PREX1: variants seen among roughly 807,000 people sequenced by gnomAD.
PREX1 encodes phosphatidylinositol-3,4,5-trisphosphate dependent Rac exchange factor 1, also known as phosphatidylinositol 3,4,5-trisphosphate-dependent Rac exchanger 1 protein.
A neutral mutation model predicts 198.3 loss-of-function variants in PREX1; 41 were observed. The observed-to-expected ratio is 0.21, with a 90% confidence interval of 0.16 to 0.27. The LOEUF (loss-of-function observed/expected upper bound fraction) is 0.27. PREX1 is among the 10% of genes least tolerant of loss of function. The pLI is 1.00. For missense variants in PREX1, 1,620 were observed against 2,200.7 expected (o/e 0.74, Z 5.28); for synonymous variants, 843 against 887.2 (o/e 0.95, Z 0.89).
At chr20:48,881,735 T>C in the PREX1 span, among the ~76,000 whole-genome samples, 2 of 152,330 alleles carry the variant, frequency 1.3e-5, no homozygotes, top group East Asian at 3.9e-4. Flanking sequence ...TCTGCCCACC[T>C]TGCCCTCCCA....
intron 25 of PREX1, among the ~76,000 whole-genome samples, chr20:48,648,928 T>G (rs1199673517): frequency 7.1e-6 from 1 of 141,166 alleles, no homozygotes; most frequent in Non-Finnish European, 1.6e-5. Context: ...GGACGGCTTG[T>G]ACAGCTGCCT....
the PREX1 span, among the ~76,000 whole-genome samples, chr20:48,867,909 A>G: frequency 1.7e-3 from 256 of 149,952 alleles, 2 homozygotes; most frequent in African/African-American, 6.1e-3. Flanking sequence ...GAGTCTCACC[A>G]TATTGCCCAG....
chr20:48,771,960 G>A (rs2090238049), intron 1 of PREX1, among the ~76,000 whole-genome samples: 1 of 152,206 alleles, frequency 6.6e-6, no homozygotes, highest in Non-Finnish European at 1.5e-5. Context: ...TTGAGAGGCT[G>A]AGGTGGGCGA....
chr20:48,764,465 C>T (rs1427469291), intron 1 of PREX1, among the ~76,000 whole-genome samples: 1 of 151,942 alleles, frequency 6.6e-6, no homozygotes, highest in Non-Finnish European at 1.5e-5. Flanking sequence ...GAGGTGGGCC[C>T]AACATAATCA....
the PREX1 span, among the ~76,000 whole-genome samples, chr20:48,866,264 G>C: frequency 3.3e-5 from 5 of 152,138 alleles, no homozygotes; most frequent in African/African-American, 1.2e-4. Context: ...ATTTAAAATA[G>C]GGTAGCAGGT....
chr20:48,834,088 C>CAAAA, the PREX1 span, among the ~76,000 whole-genome samples: 1 of 129,340 alleles, frequency 7.7e-6, no homozygotes, highest in Non-Finnish European at 1.7e-5. Context: ...GACTCAGTCT[C>CAAAA]AAAAAAAAAA....
chr20:48,789,497 C>T (rs1017540956), intron 1 of PREX1, among the ~76,000 whole-genome samples: 3 of 152,200 alleles, frequency 2.0e-5, no homozygotes, highest in Non-Finnish European at 2.9e-5. Flanking sequence ...TCATTAGTCT[C>T]CCCGTGCTAT....
At chr20:48,679,315 G>A in intron 13 of PREX1, 45 bp downstream of exon 13, 3 of 1,563,762 alleles carry the variant, frequency 1.9e-6, no homozygotes, top group Non-Finnish European at 2.6e-6. Flanking sequence ...CCACACAGCT[G>A]AGAAGAGGTA....
At chr20:48,808,333 A>G (rs2090421079) in intron 1 of PREX1, among the ~76,000 whole-genome samples, 1 of 152,178 alleles carries the variant, frequency 6.6e-6, no homozygotes, top group Non-Finnish European at 1.5e-5. Flanking sequence ...TCATCCCCAC[A>G]GCCCCATCAG....
chr20:48,740,978 A>T (rs1008744367), intron 3 of PREX1, among the ~76,000 whole-genome samples: 1 of 152,164 alleles, frequency 6.6e-6, no homozygotes, highest in Non-Finnish European at 1.5e-5. Flanking sequence ...TTCTCTTTTT[A>T]AATAAGTTCA....
At chr20:48,760,413 GC>G (rs1357327704) in intron 1 of PREX1, among the ~76,000 whole-genome samples, 2 of 152,002 alleles carry the variant, frequency 1.3e-5, no homozygotes, top group African/African-American at 2.4e-5. Context: ...AAACTGCAGA[GC>G]CCCCCACATC....
intron 15 of PREX1, among the ~76,000 whole-genome samples, chr20:48,661,659 C>A (rs985263003): frequency 2.0e-5 from 3 of 150,638 alleles, no homozygotes; most frequent in African/African-American, 7.4e-5. Flanking sequence ...TAACTTACAA[C>A]TTAACTGGGC....
At chr20:48,637,828 T>G in intron 30 of PREX1, 76 bp from the exon 31 acceptor site, 4 of 1,335,996 alleles carry the variant, frequency 3.0e-6, no homozygotes, top group African/African-American at 1.4e-5. Flanking sequence ...ACCGGGCCCC[T>G]CCCCATGGCA....
At chr20:48,656,939 C>A in intron 18 of PREX1, 101 bp downstream of exon 18, 1 of 1,399,190 alleles carries the variant, frequency 7.1e-7, no homozygotes. Context: ...AACAATGGGT[C>A]CCAGCCACGG....
At chr20:48,774,146 C>T (rs980864481) in intron 1 of PREX1, among the ~76,000 whole-genome samples, 2 of 152,196 alleles carry the variant, frequency 1.3e-5, no homozygotes, top group Admixed American at 1.3e-4. Flanking sequence ...CAATCTCGGA[C>T]ATTTTAAGTC....
chr20:48,873,751 AT>A, the PREX1 span, among the ~76,000 whole-genome samples: 1 of 152,102 alleles, frequency 6.6e-6, no homozygotes, highest in African/African-American at 2.4e-5. Context: ...AATTAAAAAA[AT>A]AAAAATTCAA....
intron 5 of PREX1, among the ~76,000 whole-genome samples, chr20:48,717,936 C>G (rs2089969534): frequency 6.6e-6 from 1 of 152,186 alleles, no homozygotes; most frequent in Admixed American, 6.5e-5. Context: ...AATGTTATCG[C>G]CAGCCTCTGT....
Position 48,658,085 on chromosome 20 carries a change from C to T in PREX1, c.1974+51G>A, listed in dbSNP as rs544472864. ...CCTCAAGGAGGGTGAAGAGAGACAC[C>T]CCGCTCTGCCACCTGCACACGGTCC... On this transcript the variant is annotated intron_variant, in intron 17 of 39. Transcript: ENST00000371941. The T allele has an allele frequency of 7.1e-6, 11 of 1,556,718 alleles. No homozygotes were observed. The Admixed American group carries it at 2.0e-4, about 28-fold the overall frequency.
At chr20:48,721,334 T>C (rs1000872560) in intron 5 of PREX1, among the ~76,000 whole-genome samples, 10 of 151,782 alleles carry the variant, frequency 6.6e-5, no homozygotes, top group African/African-American at 2.4e-4. Context: ...AAAAGCAAGG[T>C]GAAGGGGACA....
Sources: gnomAD v4.1 joint callset for allele counts (sites outside exome capture counted in the v4.1 genomes callset) on GRCh38, gnomAD v4.1.1 for gene constraint, MANE v1.5 for transcripts, NCBI Gene and HGNC (gene_info 2026-07-23, HGNC 2026-07-21) for gene names.